Variants in FIG4 observed in about 807,000 individuals in gnomAD.
FIG4 encodes polyphosphoinositide phosphatase.
Under a neutral mutation model 118.6 loss-of-function variants are expected in FIG4, and 112 were observed. The ratio of observed to expected loss-of-function variants is 0.94; its 90% CI spans 0.81 to 1.11. The LOEUF is 1.11. Ranked by LOEUF, FIG4 falls within the 50% of genes least tolerant of loss-of-function variation. FIG4 has a pLI of 0.00. For synonymous variants in FIG4, 369 were observed against 381.2 expected, an observed-to-expected ratio of 0.97 and a Z score of 0.37; for missense variants, 969 against 1,111.7, an observed-to-expected ratio of 0.87 and a Z score of 1.83.
rs1048744319 is a variant in FIG4 at position 109,715,194 on chromosome 6, C to T, written c.165+18C>T. On this transcript the variant is annotated intron_variant, in intron 2 of 22. Transcript: ENST00000230124. ...ATGACAGGGTAAGTATCCTCCAAAC[C>T]TGACTGCAAAAAAACTTTCATACCT... The T allele has an allele frequency of 5.8e-6, 8 of 1,378,236 alleles. No homozygotes were observed. Among genetic ancestry groups the T allele is most frequent in the Middle Eastern group, 3.5e-4 (2 of 5,656 alleles). 85.4% of individuals were successfully genotyped at this position (1,378,236 alleles called of 1,614,324 possible).
At chr6:109,786,877 T>A (rs575056033) in intron 18 of FIG4, among the ~76,000 whole-genome samples, 86 of 152,314 alleles carry the variant, frequency 5.6e-4, no homozygotes, top group African/African-American at 2.0e-3. Context: ...TTTCTTAATC[T>A]GTCTTTCTCT....
intron 22 of FIG4, among the ~76,000 whole-genome samples, chr6:109,812,799 T>G (rs897205698): frequency 1.3e-5 from 2 of 152,058 alleles, no homozygotes; most frequent in Non-Finnish European, 2.9e-5. Context: ...GGACAGTATC[T>G]GGAGGGGAAT....
Position 109,743,281 on chromosome 6 carries a change from A to C in FIG4, c.1039+9A>C. ...TAAACCACCTATTACATGTGTGTGG[A>C]GCCATGTTTTTAATAATAACTCCTG... On this transcript the variant is annotated intron_variant, in intron 9 of 22. Coordinates refer to ENST00000230124, the MANE Select transcript of FIG4 (RefSeq NM_014845.6). 1 of 1,611,552 alleles carries C rather than the reference A, an allele frequency of 6.2e-7. No individual in the cohort carries two copies. Among genetic ancestry groups the C allele is most frequent in the African/African-American group, 1.3e-5 (1 of 74,938 alleles).
chr6:109,740,652 G>A (rs116181605), intron 7 of FIG4, among the ~76,000 whole-genome samples: 1 of 152,114 alleles, frequency 6.6e-6, no homozygotes, highest in East Asian at 1.9e-4. Context: ...CTTATACTCA[G>A]TTTGTCACCT....
At chr6:109,716,761 G>T (rs1224192850) in intron 3 of FIG4, among the ~76,000 whole-genome samples, 193 bp downstream of exon 3, 1 of 152,140 alleles carries the variant, frequency 6.6e-6, no homozygotes, top group East Asian at 1.9e-4. Flanking sequence ...TATGCACTTA[G>T]CACTGCTCAG....
chr6:109,731,601 C>G (rs1228517189), intron 4 of FIG4, among the ~76,000 whole-genome samples: 2 of 152,016 alleles, frequency 1.3e-5, no homozygotes, highest in African/African-American at 4.8e-5. Flanking sequence ...TGTCATTATT[C>G]CCTAAAGAAT....
intron 1 of FIG4, among the ~76,000 whole-genome samples, chr6:109,712,105 G>C (rs990759742): frequency 6.6e-6 from 1 of 152,106 alleles, no homozygotes; most frequent in Non-Finnish European, 1.5e-5. Context: ...TGGCTTTTAG[G>C]GCTTCAGCTG....
intron 10 of FIG4, among the ~76,000 whole-genome samples, chr6:109,750,817 A>G (rs903837230): frequency 6.6e-6 from 1 of 152,140 alleles, no homozygotes; most frequent in Non-Finnish European, 1.5e-5. Flanking sequence ...CTCAAACAAC[A>G]TTTCCTCTCC....
chr6:109,704,563 G>T (rs1775000913), intron 1 of FIG4, among the ~76,000 whole-genome samples: 1 of 151,900 alleles, frequency 6.6e-6, no homozygotes. Context: ...AGCTACTTGG[G>T]AGGCTGAGGG....
intron 22 of FIG4, among the ~76,000 whole-genome samples, chr6:109,811,694 G>T (rs1435173269): frequency 1.3e-5 from 2 of 152,138 alleles, no homozygotes; most frequent in African/African-American, 4.8e-5. Flanking sequence ...TTCATATTAG[G>T]GTAAATACCC....
At chr6:109,744,962 G>A (rs879766919) in intron 10 of FIG4, among the ~76,000 whole-genome samples, 9 of 151,990 alleles carry the variant, frequency 5.9e-5, no homozygotes, top group Non-Finnish European at 1.2e-4. Context: ...CCCTGCAAAG[G>A]ACATGAACTC....
chr6:109,755,717 T>C (rs1776869078), intron 10 of FIG4, among the ~76,000 whole-genome samples: 1 of 152,230 alleles, frequency 6.6e-6, no homozygotes, highest in African/African-American at 2.4e-5. Flanking sequence ...TTTTGATCTT[T>C]GTTGGTTTCA....
chr6:109,726,802 C>T (rs1775833654), intron 3 of FIG4, among the ~76,000 whole-genome samples: 1 of 152,092 alleles, frequency 6.6e-6, no homozygotes, highest in South Asian at 2.1e-4. Flanking sequence ...GTTTGTAGTT[C>T]TCCTTTAAGA....
chr6:109,765,248 T>A, intron 14 of FIG4, 87 bp downstream of exon 14: 1 of 1,053,786 alleles, frequency 9.5e-7, no homozygotes, highest in Non-Finnish European at 1.5e-6. Flanking sequence ...AAAGCGTTTC[T>A]ACTTTTAGCT....
intron 4 of FIG4, among the ~76,000 whole-genome samples, chr6:109,728,606 T>G (rs1345792853): frequency 6.6e-6 from 1 of 152,210 alleles, no homozygotes; most frequent in Non-Finnish European, 1.5e-5. Flanking sequence ...AGTGGTTTTC[T>G]GAGCCCTTGT....
intron 20 of FIG4, 117 bp downstream of exon 20, chr6:109,791,688 G>A: frequency 1.2e-6 from 1 of 843,928 alleles, no homozygotes; most frequent in South Asian, 1.4e-5. Flanking sequence ...TCACTGTTGT[G>A]TTTGAGGCAC....
chr6:109,703,542 T>C (rs909428308), intron 1 of FIG4, among the ~76,000 whole-genome samples: 1 of 152,212 alleles, frequency 6.6e-6, no homozygotes, highest in Non-Finnish European at 1.5e-5. Context: ...CTCCTTTTGC[T>C]CTTGGGGCTT....
chr6:109,693,736 G>C (rs568296689), intron 1 of FIG4, among the ~76,000 whole-genome samples: 31 of 152,248 alleles, frequency 2.0e-4, no homozygotes, highest in South Asian at 6.2e-4. Context: ...ATGGCCAGGG[G>C]GGGTCTGGCA....
At chr6:109,747,595 C>T (rs1776542946) in intron 10 of FIG4, among the ~76,000 whole-genome samples, 1 of 151,922 alleles carries the variant, frequency 6.6e-6, no homozygotes, top group Non-Finnish European at 1.5e-5. Flanking sequence ...GTACTTTTCC[C>T]CCAATAGGAG....
Sources: gnomAD v4.1 joint callset for allele counts (sites outside exome capture counted in the v4.1 genomes callset) on GRCh38, gnomAD v4.1.1 for gene constraint, MANE v1.5 for transcripts, NCBI Gene and HGNC (gene_info 2026-07-23, HGNC 2026-07-21) for gene names.